Variants in NUP37 observed in about 807,000 individuals in gnomAD.
NUP37 encodes the protein nucleoporin 37, also known as nucleoporin Nup37.
In NUP37, 33 loss-of-function variants were observed where a neutral mutation model predicts 45.4. That is an observed-to-expected ratio of 0.73 (90% CI 0.55 to 0.97). NUP37 has a LOEUF of 0.97. Ranked by LOEUF, NUP37 falls within the 50% of genes least tolerant of loss-of-function variation. The probability of loss-of-function intolerance (pLI) is 0.00; values close to 1 mark genes in which losing one functional copy is unlikely to be tolerated. For synonymous variants in NUP37, 127 were observed against 130.7 expected (o/e 0.97, Z 0.19); for missense variants, 365 against 389.7 (o/e 0.94, Z 0.53).
At chr12:102,078,165 TAAA>T (rs781351728) in intron 6 of NUP37, among the ~76,000 whole-genome samples, 1 of 134,920 alleles carries the variant, frequency 7.4e-6, no homozygotes. Context: ...CCGTCTCTAC[TAAA>T]AAAAAAAAAA....
intron 5 of NUP37, among the ~76,000 whole-genome samples, chr12:102,090,601 A>G (rs1288028508): frequency 6.6e-6 from 1 of 152,084 alleles, no homozygotes; most frequent in Admixed American, 6.6e-5. Flanking sequence ...TAAGTTTCTA[A>G]AAGAAAAAAA....
At chr12:102,090,140 C>T (rs531950501) in intron 5 of NUP37, among the ~76,000 whole-genome samples, 1 of 152,288 alleles carries the variant, frequency 6.6e-6, no homozygotes, top group African/African-American at 2.4e-5. Context: ...AAAACTTTCT[C>T]TCATTTTCTG....
intron 5 of NUP37, among the ~76,000 whole-genome samples, chr12:102,095,643 T>A (rs1879782137): frequency 6.6e-6 from 1 of 152,114 alleles, no homozygotes; most frequent in African/African-American, 2.4e-5. Flanking sequence ...ACATATTTCT[T>A]CATCAAGATA....
chr12:102,097,441 T>G lies in NUP37; in HGVS notation c.449+1665A>C, dbSNP rs557107566. Among the ~76,000 whole-genome samples the G allele has an allele frequency of 2.0e-5, 3 of 150,362 alleles. No homozygotes were observed. In the South Asian group the frequency reaches 6.3e-4, roughly 32 times the overall value. ...TGTCCTTTCTTTTACAAAATGATAG[T>G]GGTAGAAGGCAGTAAACTTAAGTCT... On this transcript the variant is annotated intron_variant, in intron 5 of 9. Transcript: ENST00000552283.
At chr12:102,081,994 G>A (rs985383666) in intron 6 of NUP37, among the ~76,000 whole-genome samples, 3 of 152,112 alleles carry the variant, frequency 2.0e-5, no homozygotes, top group Admixed American at 6.5e-5. Context: ...CACTGCTCCC[G>A]GCCACATTTA....
In NUP37 at chr12:102,085,812, T is replaced by C. The variant is rs1323396392; in HGVS notation, c.494A>G (p.His165Arg). 1 of 1,603,208 alleles carries C rather than the reference T, an allele frequency of 6.2e-7. No individual in the cohort carries two copies. The highest frequency in any genetic ancestry group is 1.1e-5 in the South Asian group (1 of 90,396). ...CCAGCACACACTCATGCCAGGAGAA[T>C]GAAGAACAAAATGAGCTGTTTGCAC... is the stretch of plus-strand genomic sequence containing the variant. ...EGVQTAHFVL[H>R]SPGMSVCWHP... Residue 165 changes from histidine to arginine, a missense_variant, in exon 6 of 10, where the codon CAT (histidine) becomes CGT (arginine). His to Arg is a conservative substitution (Grantham distance 29). Transcript: ENST00000552283.
At position 102,112,147 on chromosome 12, in the gene NUP37, C is replaced by G. The variant is rs1219064506; in HGVS notation, c.242G>C (p.Ser81Thr). The change falls in exon 3 of 10, where the codon AGC becomes ACC. Residue 81 changes from serine to threonine, a missense_variant. Ser to Thr is a moderately conservative substitution (Grantham distance 58, BLOSUM62 1). Transcript: ENST00000552283. Reference protein sequence around the residue: ...HGVRVDGIAWSPETRLDSLPP... With the variant: ...HGVRVDGIAWTPETRLDSLPP... ...CAATGAATCAAGTCTAGTCTCTGGGCTCCAAGCTATGCCATCAACCCTGAC... is the reference window on the plus strand; with the variant it reads ...CAATGAATCAAGTCTAGTCTCTGGGGTCCAAGCTATGCCATCAACCCTGAC... 6.2e-7 allele frequency: 1 copy of G among 1,613,808 alleles called. No individual in the cohort carries two copies. The highest frequency in any genetic ancestry group is 2.2e-5 in the East Asian group (1 of 44,858).
intron 6 of NUP37, among the ~76,000 whole-genome samples, chr12:102,077,893 T>C (rs1223987824): frequency 3.3e-5 from 5 of 152,238 alleles, no homozygotes; most frequent in East Asian, 1.9e-4. Context: ...AATTCCAAAA[T>C]CTGAAACCCT....
At chr12:102,082,574 T>C (rs1438422617) in intron 6 of NUP37, among the ~76,000 whole-genome samples, 1 of 152,238 alleles carries the variant, frequency 6.6e-6, no homozygotes, top group Non-Finnish European at 1.5e-5. Flanking sequence ...TTTTATAAGA[T>C]GAAGTGAAAT....
rs1879085015 is a variant in NUP37, at chr12:102,073,404, T to A, written c.*950A>T. 1 of 152,152 alleles carries A rather than the reference T, an allele frequency of 6.6e-6. No homozygotes were observed. Among genetic ancestry groups the A allele is most frequent in the Non-Finnish European group, 1.5e-5 (1 of 68,022 alleles). 9.4% of individuals were successfully genotyped at this position (152,152 alleles called of 1,614,324 possible). On this transcript the variant is annotated 3_prime_UTR_variant, in exon 10 of 10. Transcript: ENST00000552283. ...CAACAGGTCCCATCTCAAAAACACT[T>A]AAGTTTCTTGGTAAGAACAGTGAAA... is the stretch of plus-strand genomic sequence containing the variant.
In NUP37 at chr12:102,085,872, C is replaced by T. The variant is rs751199788; in HGVS notation, c.450-16G>A. 4.4e-5 allele frequency: 57 copies of T among 1,300,798 alleles called. No individual in the cohort carries two copies. The highest frequency in any genetic ancestry group is 5.5e-5 in the Non-Finnish European group (50 of 912,680). The allele number at this position is 1,300,798 out of a possible 1,614,324, so 80.6% of individuals were successfully genotyped here. ...GTTCCAAATCCTAATAAAAGAATAA[C>T]AGTATAATGTTAATTGTTCTTGATA... is the stretch of plus-strand genomic sequence containing the variant. On this transcript the variant is annotated splice_polypyrimidine_tract_variant and intron_variant, in intron 5 of 9. Coordinates refer to ENST00000552283, the MANE Select transcript of NUP37 (RefSeq NM_024057.4).
At chr12:102,106,001 T>C (rs1452547929) in intron 3 of NUP37, among the ~76,000 whole-genome samples, 1 of 151,904 alleles carries the variant, frequency 6.6e-6, no homozygotes, top group East Asian at 1.9e-4. Flanking sequence ...TCATCCTGGA[T>C]CTAGGGTGGG....
chr12:102,113,786 C>T (rs1312760432), intron 2 of NUP37, among the ~76,000 whole-genome samples: 2 of 152,086 alleles, frequency 1.3e-5, no homozygotes, highest in Non-Finnish European at 2.9e-5. Flanking sequence ...ACTTGAAGGC[C>T]TGATCTAAGC....
intron 5 of NUP37, among the ~76,000 whole-genome samples, chr12:102,086,321 G>A (rs1206478973): frequency 6.6e-6 from 1 of 152,180 alleles, no homozygotes; most frequent in Non-Finnish European, 1.5e-5. Context: ...AAGCTAATAT[G>A]AAGTTATGTA....
At chr12:102,077,640 T>A (rs1879212252) in intron 6 of NUP37, 137 bp from the exon 7 acceptor site, 2 of 882,620 alleles carry the variant, frequency 2.3e-6, no homozygotes, top group Non-Finnish European at 1.7e-6. Context: ...CATCTGAAAA[T>A]CTGCAATGCT....
intron 6 of NUP37, among the ~76,000 whole-genome samples, chr12:102,081,330 A>G (rs1041364124): frequency 1.2e-4 from 18 of 152,182 alleles, no homozygotes; most frequent in Non-Finnish European, 2.5e-4. Flanking sequence ...TTTTTGGGTG[A>G]TAAGAACAGA....
In NUP37 at chr12:102,118,521, T is replaced by C. The variant is rs771229944; in HGVS notation, c.-3A>G. The C allele has an allele frequency of 1.7e-5, 28 of 1,605,406 alleles. No homozygotes were observed. Among genetic ancestry groups the C allele is most frequent in the African/African-American group, 1.2e-4 (9 of 74,504 alleles). On this transcript the variant is annotated 5_prime_UTR_variant, in exon 2 of 10. Coordinates refer to ENST00000552283, the MANE Select transcript of NUP37 (RefSeq NM_024057.4). ...TTTCTTGAGGCATCTTGCTTCATCT[T>C]GTATGTCAAAATTCAAGCAGTTGTG...
chr12:102,103,242 T>C (rs1212254070), intron 3 of NUP37, among the ~76,000 whole-genome samples: 1 of 152,208 alleles, frequency 6.6e-6, no homozygotes, highest in East Asian at 1.9e-4. Context: ...ACAGGATATC[T>C]TTCCAATTAT....
chr12:102,083,586 T>A (rs1032105996), intron 6 of NUP37, among the ~76,000 whole-genome samples: 1 of 152,262 alleles, frequency 6.6e-6, no homozygotes, highest in Non-Finnish European at 1.5e-5. Flanking sequence ...TGTATTTACA[T>A]GTTTTTTCTC....
Sources: allele counts gnomAD v4.1 joint callset (sites outside exome capture counted in the v4.1 genomes callset), GRCh38; gene constraint gnomAD v4.1.1; transcripts MANE v1.5; gene names NCBI Gene and HGNC (gene_info 2026-07-23, HGNC 2026-07-21).